Variants in ABCA13 observed in about 807,000 individuals in gnomAD.
The protein encoded by ABCA13 is ATP-binding cassette sub-family A member 13.
Under a neutral mutation model 478.7 loss-of-function variants are expected in ABCA13, and 476 were observed. The ratio of observed to expected loss-of-function variants is 0.99; its 90% CI spans 0.92 to 1.07. The LOEUF is 1.07. Among genes scored for constraint, ABCA13 ranks in the 50% least tolerant of loss-of-function variants. The pLI is 0.00. For missense variants in ABCA13, 6,060 were observed against 5,910.6 expected, an observed-to-expected ratio of 1.03 and a Z score of -0.83; for synonymous variants, 2,252 against 2,158.9, an observed-to-expected ratio of 1.04 and a Z score of -1.20.
chr7:48,534,848 C>T (rs948998364), intron 55 of ABCA13, among the ~76,000 whole-genome samples: 5 of 152,102 alleles, frequency 3.3e-5, no homozygotes, highest in African/African-American at 1.2e-4. Flanking sequence ...GCCTTGATTT[C>T]CAGAAGTTGT....
intron 41 of ABCA13, among the ~76,000 whole-genome samples, chr7:48,416,645 G>T (rs566593395): frequency 6.6e-6 from 1 of 152,048 alleles, no homozygotes; most frequent in Non-Finnish European, 1.5e-5. Context: ...ATCCCCAGTC[G>T]GAGAGTGCCC....
chr7:48,551,746 C>G (rs1001060129), intron 55 of ABCA13, among the ~76,000 whole-genome samples: 7 of 151,414 alleles, frequency 4.6e-5, no homozygotes, highest in Admixed American at 6.6e-5. Flanking sequence ...ATTTTTGTAA[C>G]AAAGGATGAC....
rs894622442 is a variant in ABCA13, at chr7:48,509,925, C to T, written c.13525-1159C>T. ...ACACAGTGAGAAGTCACAGCCTGAA[C>T]GAGGAAGCTGGCCCTCGCCAGTCAC... On this transcript the variant is annotated intron_variant, in intron 50 of 61. Transcript: ENST00000435803. Among the ~76,000 whole-genome samples the T allele has an allele frequency of 5.9e-5, 9 of 152,282 alleles. No individual in the cohort carries two copies. The South Asian group carries it at 6.2e-4, about 11-fold the overall frequency.
chr7:48,242,865 A>C (rs183003838), intron 10 of ABCA13: 1 of 152,244 alleles, frequency 6.6e-6, no homozygotes, highest in Non-Finnish European at 1.5e-5. Flanking sequence ...TTCATAGCCA[A>C]TTGTTCATAT....
At chr7:48,509,879 C>T (rs566566373) in intron 50 of ABCA13, among the ~76,000 whole-genome samples, 4 of 152,238 alleles carry the variant, frequency 2.6e-5, no homozygotes, top group East Asian at 3.9e-4. Flanking sequence ...TAAAAGAGGC[C>T]GCAGAGAGCT....
In ABCA13 at chr7:48,198,371, C is replaced by T. The variant is rs1203463558; in HGVS notation, c.287+11C>T. ...GGAGCATCATTTTCGGTAAGAGAAACACAAAGATCTTTTTCAGAAATCTCA... is the reference window on the plus strand; with the variant it reads ...GGAGCATCATTTTCGGTAAGAGAAATACAAAGATCTTTTTCAGAAATCTCA... On this transcript the variant is annotated intron_variant, in intron 3 of 61. Coordinates refer to ENST00000435803, the MANE Select transcript of ABCA13 (RefSeq NM_152701.5). The T allele has an allele frequency of 3.1e-6, 5 of 1,612,600 alleles. No individual in the cohort carries two copies. Among genetic ancestry groups the T allele is most frequent in the African/African-American group, 1.3e-5 (1 of 74,906 alleles).
Position 48,524,328 on chromosome 7 carries a change from G to A in ABCA13, c.14132G>A (p.Gly4711Glu). ...AAAGAGGAAAAGAGAGTGTTTGAAG[G>A]AAGGACCAATGGAGACATTCTTGTG... ...VEKEEKRVFE[G>E]RTNGDILVLY... is the part of the protein sequence containing the mutation. Residue 4711 changes from glycine to glutamate, a missense_variant, in exon 54 of 62, where the codon GGA becomes GAA. This residue lies in a region of ABCA13 where 1,627 missense variants were observed against 1,571.0 expected (regional missense o/e 1.04). Coordinates refer to ENST00000435803, the MANE Select transcript of ABCA13 (RefSeq NM_152701.5). 1 of 1,613,262 alleles carries A rather than the reference G, an allele frequency of 6.2e-7. No homozygotes were observed. Among genetic ancestry groups the A allele is most frequent in the Non-Finnish European group, 8.5e-7 (1 of 1,179,578 alleles).
At chr7:48,313,969 ATG>A (rs993823347) in intron 25 of ABCA13, among the ~76,000 whole-genome samples, 4 of 149,782 alleles carry the variant, frequency 2.7e-5, no homozygotes, top group African/African-American at 4.9e-5. Context: ...GTAAGGACTT[ATG>A]TGTGTGTGTG....
At chr7:48,347,154 C>G (rs1389556327) in intron 29 of ABCA13, among the ~76,000 whole-genome samples, 1 of 152,188 alleles carries the variant, frequency 6.6e-6, no homozygotes, top group Admixed American at 6.5e-5. Context: ...ATACTTCTAG[C>G]AGGTACTAGG....
chr7:48,564,070 C>A (rs115232834), intron 55 of ABCA13, among the ~76,000 whole-genome samples: 2,627 of 151,972 alleles, frequency 0.017, 81 homozygotes, highest in African/African-American at 0.06. Context: ...ATCTTTTTCC[C>A]TCTAGCTTTT....
In ABCA13 at chr7:48,524,275, C is replaced by A; in HGVS notation, c.14079C>A (p.Val4693=). 6.2e-7 allele frequency: 1 copy of A among 1,612,132 alleles called. No homozygotes were observed. The highest frequency in any genetic ancestry group is 1.1e-5 in the South Asian group (1 of 90,630). ...PRGHSTLQGT[V]KSSKDTDVEK... ...GTCATTCTACTCTCCAAGGCACAGT[C>A]AAATCTTCTAAGGATACAGATGTTG... The change falls in exon 54 of 62, where the codon GTC becomes GTA. Residue 4693 remains valine, a synonymous_variant. Transcript: ENST00000435803.
At chr7:48,189,250 A>G (rs1239534269) in intron 1 of ABCA13, among the ~76,000 whole-genome samples, 1 of 152,216 alleles carries the variant, frequency 6.6e-6, no homozygotes, top group Non-Finnish European at 1.5e-5. Flanking sequence ...TCAAAATGTT[A>G]AGCAAGATTC....
intron 23 of ABCA13, among the ~76,000 whole-genome samples, chr7:48,309,243 G>A (rs550311897): frequency 6.6e-6 from 1 of 152,146 alleles, no homozygotes; most frequent in South Asian, 2.1e-4. Context: ...ATGTTTCACA[G>A]CAATCATACC....
chr7:48,524,523 A>G (rs910993586), intron 54 of ABCA13, 83 bp downstream of exon 54: 6 of 1,312,618 alleles, frequency 4.6e-6, no homozygotes, highest in Non-Finnish European at 6.2e-6. Flanking sequence ...TAGTCTCAGA[A>G]TATTTGAAAT....
intron 29 of ABCA13, among the ~76,000 whole-genome samples, chr7:48,343,682 G>T (rs987197185): frequency 6.6e-6 from 1 of 151,788 alleles, no homozygotes; most frequent in Non-Finnish European, 1.5e-5. Context: ...AGATTTTAGC[G>T]CAGCCATCAC....
chr7:48,603,868 T>C (rs1791173452), intron 58 of ABCA13: 1 of 152,264 alleles, frequency 6.6e-6, no homozygotes, highest in Non-Finnish European at 1.5e-5. Flanking sequence ...CTGGACTTTT[T>C]TTGGTTGGTA....
intron 42 of ABCA13, 100 bp from the exon 43 acceptor site, chr7:48,454,937 G>A (rs1289637364): frequency 1.5e-5 from 21 of 1,398,616 alleles, no homozygotes; most frequent in South Asian, 1.1e-4. Context: ...CATTCCCATG[G>A]CTGCGAGATG....
intron 42 of ABCA13, among the ~76,000 whole-genome samples, chr7:48,452,375 T>G (rs969688769): frequency 2.0e-5 from 3 of 152,176 alleles, no homozygotes; most frequent in African/African-American, 7.2e-5. Context: ...AATCCAGGAT[T>G]AAAAAATTGA....
At chr7:48,381,224 A>G (rs1283277160) in intron 35 of ABCA13, among the ~76,000 whole-genome samples, 1 of 152,094 alleles carries the variant, frequency 6.6e-6, no homozygotes, top group East Asian at 1.9e-4. Context: ...TGTTGGCATC[A>G]TCATACTTGA....
Sources: allele counts gnomAD v4.1 joint callset (sites outside exome capture counted in the v4.1 genomes callset), GRCh38; gene constraint gnomAD v4.1.1; regional missense constraint gnomAD v4.1.1; transcripts MANE v1.5; gene names NCBI Gene and HGNC (gene_info 2026-07-23, HGNC 2026-07-21).